NTM: variants seen among roughly 807,000 people sequenced by gnomAD.
NTM encodes the protein neurotrimin.
A neutral mutation model predicts 42.1 loss-of-function variants in NTM; 13 were observed. That is an observed-to-expected ratio of 0.31 (90% confidence interval 0.20 to 0.49). NTM has a LOEUF of 0.49. NTM is among the 20% of genes least tolerant of loss of function. The pLI, the probability that NTM is intolerant of heterozygous loss-of-function variation, is 0.99. For missense variants in NTM, 373 were observed against 452.8 expected, an observed-to-expected ratio of 0.82 and a Z score of 1.60; for synonymous variants, 187 against 179.2, an observed-to-expected ratio of 1.04 and a Z score of -0.35.
rs76121852 is a variant in NTM at position 131,612,699 on chromosome 11, G to A, written c.82+241811G>A. Among the ~76,000 whole-genome samples, 747 of 152,294 alleles carry A rather than the reference G, an allele frequency of 4.9e-3. 9 individuals carry two copies. The highest frequency in any genetic ancestry group is 0.017 in the African/African-American group (701 of 41,550). ...CGAATGCTGAACTACTGACGACAGCGTGCTAGTGGAAGGCTTCTGTGGTTA... is the reference window on the plus strand; with the variant it reads ...CGAATGCTGAACTACTGACGACAGCATGCTAGTGGAAGGCTTCTGTGGTTA... On this transcript the variant is annotated intron_variant, in intron 1 of 8. Coordinates refer to ENST00000683400, the MANE Select transcript of NTM (RefSeq NM_001352005.2).
chr11:132,120,681 AG>A (rs2064651999), intron 2 of NTM, among the ~76,000 whole-genome samples: 1 of 152,226 alleles, frequency 6.6e-6, no homozygotes, highest in Non-Finnish European at 1.5e-5. Flanking sequence ...CTCCCTGCTT[AG>A]GGTTCTGCAA....
chr11:132,317,586 T>A, intron 7 of NTM: 2 of 884,410 alleles, frequency 2.3e-6, no homozygotes, highest in Non-Finnish European at 3.3e-6. Context: ...ATGACAAATA[T>A]ATAGCACTGT....
At chr11:131,687,451 C>G (rs936024072) in intron 1 of NTM, among the ~76,000 whole-genome samples, 17 of 152,308 alleles carry the variant, frequency 1.1e-4, no homozygotes, top group Non-Finnish European at 2.1e-4. Context: ...TCCAGGGTCC[C>G]GGCAGAGCCC....
intron 1 of NTM, among the ~76,000 whole-genome samples, chr11:131,893,187 T>C (rs2051657958): frequency 6.6e-6 from 1 of 152,212 alleles, no homozygotes; most frequent in African/African-American, 2.4e-5. Flanking sequence ...TCAATTATTT[T>C]GGGTGCTCAA....
chr11:132,220,384 TG>T (rs564377947), intron 4 of NTM, among the ~76,000 whole-genome samples: 36 of 152,326 alleles, frequency 2.4e-4, no homozygotes, highest in African/African-American at 8.4e-4. Flanking sequence ...GCTAGATAGA[TG>T]CAGTTAGGGT....
chr11:132,289,819 G>A (rs2094392909), intron 4 of NTM, among the ~76,000 whole-genome samples: 1 of 152,176 alleles, frequency 6.6e-6, no homozygotes, highest in Non-Finnish European at 1.5e-5. Flanking sequence ...TCAGGGCAGG[G>A]TCGAGGGAAG....
At chr11:131,972,548 A>ACTAAACTGT (rs1366984131) in intron 2 of NTM, among the ~76,000 whole-genome samples, 3 of 152,164 alleles carry the variant, frequency 2.0e-5, no homozygotes, top group Admixed American at 1.3e-4. Flanking sequence ...AGTATCATCT[A>ACTAAACTGT]CTAAACTGTC....
intron 1 of NTM, among the ~76,000 whole-genome samples, chr11:131,791,088 A>T (rs554941969): frequency 6.6e-6 from 1 of 152,350 alleles, no homozygotes; most frequent in African/African-American, 2.4e-5. Context: ...TATGTGTACA[A>T]GTTGGCAAAA....
chr11:131,537,674 G>T (rs1338772971), intron 1 of NTM: 1 of 152,294 alleles, frequency 6.6e-6, no homozygotes, highest in Non-Finnish European at 1.5e-5. Context: ...CTGTCCCTTG[G>T]CAGGAGAGGC....
chr11:131,649,533 C>T (rs1449251187), intron 1 of NTM, among the ~76,000 whole-genome samples: 1 of 152,092 alleles, frequency 6.6e-6, no homozygotes, highest in Non-Finnish European at 1.5e-5. Flanking sequence ...CTGAAATAAG[C>T]CATAAAACTC....
intron 2 of NTM, among the ~76,000 whole-genome samples, chr11:132,099,330 T>C (rs762951325): frequency 4.6e-5 from 7 of 152,226 alleles, no homozygotes; most frequent in Non-Finnish European, 1.0e-4. Context: ...TCTAATCCAG[T>C]GGTGGTCAAA....
chr11:131,947,429 C>A (rs2060466042), intron 2 of NTM, among the ~76,000 whole-genome samples: 1 of 152,286 alleles, frequency 6.6e-6, no homozygotes, highest in South Asian at 2.1e-4. Context: ...CCCTGCCAGA[C>A]CCTCCCCTCC....
At chr11:131,735,304 CATCTTCTATGCTCGCTTA>C (rs1291044475) in intron 1 of NTM, among the ~76,000 whole-genome samples, 5 of 152,206 alleles carry the variant, frequency 3.3e-5, no homozygotes, top group African/African-American at 1.2e-4. Flanking sequence ...TCATTTCCCC[CATCTTCTATGCTCGCTTA>C]TAGGTTTTGA....
At chr11:132,073,028 T>C (rs963704103) in intron 2 of NTM, among the ~76,000 whole-genome samples, 1 of 152,276 alleles carries the variant, frequency 6.6e-6, no homozygotes, top group African/African-American at 2.4e-5. Flanking sequence ...CTGGGTCCAT[T>C]TGCACACAGC....
intron 2 of NTM, among the ~76,000 whole-genome samples, chr11:132,008,114 G>A (rs746575734): frequency 6.6e-6 from 1 of 152,184 alleles, no homozygotes; most frequent in Non-Finnish European, 1.5e-5. Flanking sequence ...GGGGCACAGT[G>A]TGACTAAGCA....
intron 2 of NTM, among the ~76,000 whole-genome samples, chr11:132,080,678 A>T (rs940200275): frequency 1.3e-5 from 2 of 152,216 alleles, no homozygotes; most frequent in Non-Finnish European, 2.9e-5. Flanking sequence ...AGTGCTGGAC[A>T]GTCCCTGCAG....
chr11:132,149,246 A>AAAAAAAAAG (rs1555286335), intron 3 of NTM, among the ~76,000 whole-genome samples: 13 of 150,688 alleles, frequency 8.6e-5, no homozygotes, highest in Non-Finnish European at 1.5e-4. Context: ...AAAAAAAAAA[A>AAAAAAAAAG]GGGAAAGAAA....
chr11:131,634,635 C>T (rs1282798191), intron 1 of NTM, among the ~76,000 whole-genome samples: 1 of 89,924 alleles, frequency 1.1e-5, no homozygotes, highest in African/African-American at 3.1e-5. Context: ...CAAGGACAAC[C>T]CACTAGAAAA....
rs760566069 is a variant in NTM, at chr11:132,335,111, C to T, written c.1033C>T (p.Pro345Ser). ...GAGGGCAGGCTGCGTCTGGCTGCTG[C>T]CTCTTCTGGTCTTGCACCTGCTTCT... is the stretch of plus-strand genomic sequence containing the variant. ...SRRAGCVWLL[P>S]LLVLHLLLKF Residue 345 changes from proline to serine, a missense_variant, in exon 9 of 9, where the codon CCT (proline) becomes TCT (serine). Physicochemically the swap from Pro to Ser is moderately conservative, Grantham distance 74. Around this residue, in one of 3 missense-constraint regions of NTM, gnomAD observed 312 missense variants for 353.5 expected, o/e 0.88. Transcript: ENST00000683400. 6.2e-7 allele frequency: 1 copy of T among 1,612,724 alleles called. No homozygotes were observed. Among genetic ancestry groups the T allele is most frequent in the East Asian group, 2.2e-5 (1 of 44,846 alleles).
Sources: allele counts gnomAD v4.1 joint callset (sites outside exome capture counted in the v4.1 genomes callset), GRCh38; gene constraint gnomAD v4.1.1; regional missense constraint gnomAD v4.1.1; transcripts MANE v1.5; gene names NCBI Gene and HGNC (gene_info 2026-07-23, HGNC 2026-07-21).